The following SRRM1 variants were observed in gnomAD, a reference collection of about 807,000 sequenced individuals.
The protein encoded by SRRM1 is serine/arginine repetitive matrix protein 1.
Under a neutral mutation model 110.2 loss-of-function variants are expected in SRRM1, and 19 were observed. The ratio of observed to expected loss-of-function variants is 0.17; its 90% confidence interval spans 0.12 to 0.25. SRRM1 has a LOEUF of 0.25. SRRM1 is among the 10% of genes least tolerant of loss of function. The pLI, the probability that SRRM1 is intolerant of heterozygous loss-of-function variation, is 1.00. For missense variants in SRRM1, 918 were observed against 1,145.8 expected, an observed-to-expected ratio of 0.80 and a Z score of 2.87; for synonymous variants, 443 against 414.9, an observed-to-expected ratio of 1.07 and a Z score of -0.82.
intron 12 of SRRM1, among the ~76,000 whole-genome samples, chr1:24,664,866 C>T (rs945600324): frequency 7.2e-5 from 11 of 152,128 alleles, no homozygotes; most frequent in Admixed American, 6.5e-4. Flanking sequence ...TCTTCTCTTT[C>T]ATCTCCCCTT....
chr1:24,652,342 T>A, intron 6 of SRRM1, 92 bp from the exon 7 acceptor site: 1 of 957,158 alleles, frequency 1.0e-6, no homozygotes, highest in African/African-American at 1.7e-5. Context: ...TTTTGAAAAG[T>A]TTTAGAAATA....
At position 24,660,798 on chromosome 1, in the gene SRRM1, G is replaced by C. The variant is rs747516494; in HGVS notation, c.1395G>C (p.Ser465=). The change falls in exon 10 of 17, where the codon TCG becomes TCC. Residue 465 remains serine (S), a splice_region_variant and synonymous_variant. Transcript: ENST00000323848. The stretch of plus-strand genomic sequence containing the variant: ...CTAGAAAAGTAGAGTTATCTGAATC[G>C]GGTAAGTTTGTTGTTTTTTTTTGTG... ...PKPRKVELSE[S]EEDKGGKMAA... 1.9e-6 allele frequency: 3 copies of C among 1,583,338 alleles called. No homozygotes were observed. Among genetic ancestry groups the C allele is most frequent in the Admixed American group, 3.8e-5 (2 of 53,274 alleles).
intron 6 of SRRM1, among the ~76,000 whole-genome samples, chr1:24,652,029 A>AATTATATATATATATATATATATAT (rs1661022191): frequency 1.3e-5 from 1 of 79,846 alleles, no homozygotes; most frequent in East Asian, 4.8e-4. Flanking sequence ...CTGTACTAAA[A>AATTATATATATATATATATATATAT]ATATATATAT....
At chr1:24,648,086 A>G (rs1658531095) in intron 3 of SRRM1, 1 of 152,192 alleles carries the variant, frequency 6.6e-6, no homozygotes, top group Non-Finnish European at 1.5e-5. Flanking sequence ...AAGCAAGCCA[A>G]GGGAACATCT....
rs4649010 is a variant in SRRM1 at position 24,654,906 on chromosome 1, A to C, written c.1092A>C (p.Ser364=). 116 of 1,614,058 alleles carry C rather than the reference A, an allele frequency of 7.2e-5. 1 individual carries two copies. In the Admixed American group the frequency reaches 1.8e-3, roughly 25 times the overall value. ...SLSGSSSSSS[S]SRSRSPPKKP... ...CTGGGAGTAGCTCATCATCCTCTTCATCTCGTTCACGGTCACCACCAAAGA... is the reference window on the plus strand; with the variant it reads ...CTGGGAGTAGCTCATCATCCTCTTCCTCTCGTTCACGGTCACCACCAAAGA... The change falls in exon 9 of 17, where the codon TCA becomes TCC. Residue 364 remains serine, a synonymous_variant. Transcript: ENST00000323848.
intron 10 of SRRM1, 68 bp downstream of exon 10, chr1:24,660,867 T>C (rs1368724487): frequency 8.4e-7 from 1 of 1,195,480 alleles, no homozygotes; most frequent in Non-Finnish European, 1.2e-6. Flanking sequence ...CTGATTTTGA[T>C]TTTTTGCACA....
intron 11 of SRRM1, 108 bp downstream of exon 11, chr1:24,661,504 A>G (rs1482988290): frequency 1.1e-5 from 8 of 730,344 alleles, no homozygotes; most frequent in Non-Finnish European, 1.5e-5. Flanking sequence ...CCTACATAGA[A>G]ATCTGTCTGA....
At chr1:24,656,972 C>T (rs1325970774) in intron 9 of SRRM1, among the ~76,000 whole-genome samples, 2 of 152,112 alleles carry the variant, frequency 1.3e-5, no homozygotes, top group East Asian at 1.9e-4. Context: ...ACAGGGCTTC[C>T]GTGTTCAAAC....
At chr1:24,654,658 A>G (rs946264024) in intron 8 of SRRM1, among the ~76,000 whole-genome samples, 197 bp from the exon 9 acceptor site, 1 of 152,160 alleles carries the variant, frequency 6.6e-6, no homozygotes, top group African/African-American at 2.4e-5. Context: ...TAAGTTGTTT[A>G]TATTAATCTC....
At chr1:24,662,405 G>A (rs77160878) in intron 11 of SRRM1, among the ~76,000 whole-genome samples, 8 of 152,286 alleles carry the variant, frequency 5.3e-5, no homozygotes, top group East Asian at 3.9e-4. Flanking sequence ...GTGAGCCACC[G>A]TGCCCAGCTC....
At chr1:24,662,616 A>C (rs1667854795) in intron 11 of SRRM1, 44 bp from the exon 12 acceptor site, 1 of 1,597,266 alleles carries the variant, frequency 6.3e-7, no homozygotes, top group Admixed American at 1.7e-5. Context: ...GGACAGATTC[A>C]AGCACAAACC....
In SRRM1 at chr1:24,670,231, G is replaced by T. The variant is rs552246924; in HGVS notation, c.2316G>T (p.Gln772His). Residue 772 changes from glutamine to histidine, a missense_variant, in exon 15 of 17, where the codon CAG becomes CAT. Transcript: ENST00000323848. The stretch of plus-strand genomic sequence containing the variant: ...CCCCAGCACCTCCATCCCCCGTCCA[G>T]TCTCAGTCACCGTCTACAAACTGGT... ...KKPPAPPSPVQSQSPSTNWSP... is the reference protein window; with the variant it reads ...KKPPAPPSPVHSQSPSTNWSP... 2 of 1,614,078 alleles carry T rather than the reference G, an allele frequency of 1.2e-6. No homozygotes were observed. Among genetic ancestry groups the T allele is most frequent in the Admixed American group, 3.3e-5 (2 of 60,014 alleles).
intron 10 of SRRM1, chr1:24,661,031 G>T: frequency 3.7e-6 from 2 of 533,892 alleles, no homozygotes; most frequent in Non-Finnish European, 6.7e-6. Context: ...TCCGAAATAG[G>T]GACAGTAGAG....
At chr1:24,645,354 T>TG (rs749825832) in intron 1 of SRRM1, among the ~76,000 whole-genome samples, 3 of 152,224 alleles carry the variant, frequency 2.0e-5, no homozygotes, top group Admixed American at 6.5e-5. Context: ...CGTGTTTAAT[T>TG]GGGCCAGTAG....
At chr1:24,658,877 C>T (rs1254831285) in intron 9 of SRRM1, among the ~76,000 whole-genome samples, 3 of 152,012 alleles carry the variant, frequency 2.0e-5, no homozygotes, top group African/African-American at 7.2e-5. Context: ...GTGATTTGTC[C>T]AAATGGCTTA....
At chr1:24,650,188 G>A in intron 5 of SRRM1, 102 bp downstream of exon 5, 1 of 1,174,606 alleles carries the variant, frequency 8.5e-7, no homozygotes, top group East Asian at 3.0e-5. Context: ...CAAGGAATTT[G>A]TTCCATCATG....
At chr1:24,655,495 T>C (rs13376378) in intron 9 of SRRM1, among the ~76,000 whole-genome samples, 5,606 of 152,226 alleles carry the variant, frequency 0.037, 315 homozygotes, top group African/African-American at 0.13. Flanking sequence ...TGGTTTGATA[T>C]CTTAAATAAG....
Position 24,643,355 on chromosome 1 carries a change from G to C in SRRM1, c.21+8G>C. ...GACGCGGGATTTTTCCGCGTAAGTA[G>C]AAGCGCCGGGCGCCGGGGTGAGGCC... On this transcript the variant is annotated splice_region_variant and intron_variant, in intron 1 of 16. Coordinates refer to ENST00000323848, the MANE Select transcript of SRRM1 (RefSeq NM_005839.4). 1 of 1,550,670 alleles carries C rather than the reference G, an allele frequency of 6.4e-7. No individual in the cohort carries two copies. The highest frequency in any genetic ancestry group is 8.7e-7 in the Non-Finnish European group (1 of 1,153,956).
chr1:24,671,244 C>A, intron 15 of SRRM1, 142 bp from the exon 16 acceptor site: 1 of 856,660 alleles, frequency 1.2e-6, no homozygotes, highest in Non-Finnish European at 1.8e-6. Flanking sequence ...TGGCCTTGGG[C>A]CTTCCCCACT....
Sources: gnomAD v4.1 joint callset for allele counts (sites outside exome capture counted in the v4.1 genomes callset) on GRCh38, gnomAD v4.1.1 for gene constraint, MANE v1.5 for transcripts, NCBI Gene and HGNC (gene_info 2026-07-23, HGNC 2026-07-21) for gene names.